The following TPRA1 variants were observed in gnomAD, a reference collection of about 807,000 sequenced individuals.
The protein encoded by TPRA1 is transmembrane protein adipocyte associated 1.
Under a neutral mutation model 40.1 loss-of-function variants are expected in TPRA1, and 28 were observed. The ratio of observed to expected loss-of-function variants is 0.70; its 90% confidence interval spans 0.52 to 0.96. TPRA1 has a LOEUF of 0.96. Among genes scored for constraint, TPRA1 ranks in the 40% least tolerant of loss-of-function variants. The probability of loss-of-function intolerance (pLI) is 0.00; values close to 1 mark genes in which losing one functional copy is unlikely to be tolerated. For synonymous variants in TPRA1, 219 were observed against 209.7 expected, an observed-to-expected ratio of 1.04 and a Z score of -0.38; for missense variants, 441 against 482.6, an observed-to-expected ratio of 0.91 and a Z score of 0.81.
At position 127,571,901 on chromosome 3, in the gene TPRA1, A is replaced by C. The variant is rs955554178; in HGVS notation, c.*1620T>G. 6.6e-6 allele frequency: 1 copy of C among 152,174 alleles called. No homozygotes were observed. Among genetic ancestry groups the C allele is most frequent in the African/African-American group, 2.4e-5 (1 of 41,454 alleles). 9.4% of individuals were successfully genotyped at this position (152,174 alleles called of 1,614,324 possible). A position where few individuals can be genotyped will look rare whatever the true frequency, so the allele number is the denominator to read the frequency against. ...TCTCTGCTCATTCACTGCAGCCAGC[A>C]AACTTCGGCTGACACTGTGCCATCT... On this transcript the variant is annotated 3_prime_UTR_variant, in exon 11 of 11. Transcript: ENST00000355552.
intron 1 of TPRA1, among the ~76,000 whole-genome samples, chr3:127,585,864 G>C (rs1294207885): frequency 1.3e-5 from 2 of 152,222 alleles, no homozygotes; most frequent in African/African-American, 2.4e-5. Flanking sequence ...CTCTGGGGTG[G>C]AGCCGGTGTG....
chr3:127,578,180 G>A (rs1196613063), intron 3 of TPRA1, among the ~76,000 whole-genome samples: 1 of 152,202 alleles, frequency 6.6e-6, no homozygotes, highest in Non-Finnish European at 1.5e-5. Context: ...TCTGTCTTTT[G>A]TGCCATGAGA....
Position 127,573,730 on chromosome 3 carries a change from C to T in TPRA1, c.913G>A (p.Asp305Asn), listed in dbSNP as rs1333206808. Residue 305 changes from aspartate (D) to asparagine (N), a missense_variant, in exon 11 of 11, where the codon GAT becomes AAT. Transcript: ENST00000355552. Reference sequence around the variant, plus strand: ...GCGTAGGGCTGGGGTAGGTGTACATCTGGCTCCTCTGTCTCGTCCACTTGG... The same window carrying T: ...GCGTAGGGCTGGGGTAGGTGTACATTTGGCTCCTCTGTCTCGTCCACTTGG... ...KCQVDETEEPDVHLPQPYAVA... is the reference protein window; with the variant it reads ...KCQVDETEEPNVHLPQPYAVA... 4 of 1,605,872 alleles carry T rather than the reference C, an allele frequency of 2.5e-6. No homozygotes were observed. The East Asian group carries it at 6.7e-5, about 27-fold the overall frequency.
chr3:127,576,010 G>T lies in TPRA1; in HGVS notation c.539C>A (p.Ala180Asp). 6.2e-7 allele frequency: 1 copy of T among 1,614,052 alleles called. No homozygotes were observed. Among genetic ancestry groups the T allele is most frequent in the Non-Finnish European group, 8.5e-7 (1 of 1,180,022 alleles). The change falls in exon 7 of 11, where the codon GCT (alanine) becomes GAT (aspartate). Residue 180 changes from alanine (A) to aspartate (D), a missense_variant. Physicochemically the swap from Ala to Asp is moderately radical, Grantham distance 126. Transcript: ENST00000355552. This position sits in a 1 kb window ranked among gnomAD's most constrained non-coding sequence, Gnocchi z 4.6. ...EILYPDAHLS[A>D]EDFNIYGHGG... ...ATGGCCATAGATATTAAAGTCCTCAGCTGAGAGATGGGCATCAGGGTACAG... is the reference window on the plus strand; with the variant it reads ...ATGGCCATAGATATTAAAGTCCTCATCTGAGAGATGGGCATCAGGGTACAG...
At chr3:127,580,205 C>G (rs976603317) in intron 1 of TPRA1, 42 bp from the exon 2 acceptor site, 6 of 1,581,770 alleles carry the variant, frequency 3.8e-6, no homozygotes, top group Non-Finnish European at 5.1e-6. Flanking sequence ...GTGGCCTGGG[C>G]CACTGTCCTC....
At position 127,571,753 on chromosome 3, in the gene TPRA1, G is replaced by A. The variant is rs2073382133; in HGVS notation, c.*1768C>T. ...TCAGTGCCACACAGGGAGATTTATC[G>A]TTCACCAAATACCCTCCTGTACTGC... is the stretch of plus-strand genomic sequence containing the variant. On this transcript the variant is annotated 3_prime_UTR_variant, in exon 11 of 11. Coordinates refer to ENST00000355552, the MANE Select transcript of TPRA1 (RefSeq NM_001136053.4). 2.0e-5 allele frequency: 3 copies of A among 152,146 alleles called. No homozygotes were observed. Among genetic ancestry groups the A allele is most frequent in the East Asian group, 1.9e-4 (1 of 5,202 alleles). 9.4% of individuals were successfully genotyped at this position (152,146 alleles called of 1,614,324 possible). A position where few individuals can be genotyped will look rare whatever the true frequency, so the allele number is the denominator to read the frequency against.
At chr3:127,598,103 G>A (rs1428315557) in exon 1 of TPRA1, 2 of 368,148 alleles carry the variant, frequency 5.4e-6, no homozygotes, top group Non-Finnish European at 1.0e-5. Flanking sequence ...ACCGCGCCCG[G>A]CCTCTGTTGT....
In TPRA1 at chr3:127,574,856, G is replaced by A. The variant is rs1452471851; in HGVS notation, c.854+329C>T. 9.8e-6 allele frequency: 4 copies of A among 410,040 alleles called. No individual in the cohort carries two copies. The East Asian group carries it at 1.6e-4, about 16-fold the overall frequency. The allele number at this position is 410,040 out of a possible 1,614,324, so 25.4% of individuals were successfully genotyped here. On this transcript the variant is annotated intron_variant, in intron 10 of 10. Coordinates refer to ENST00000355552, the MANE Select transcript of TPRA1 (RefSeq NM_001136053.4). ...GTTGAGCACGTGTTCATGTGTGTAT[G>A]CATGCATGTGGGTGTGCACGTGCAT...
At chr3:127,579,992 C>CGAGCCTGCCCAGCGTT in intron 2 of TPRA1, 30 bp downstream of exon 2, 1 of 1,612,160 alleles carries the variant, frequency 6.2e-7, no homozygotes, top group Non-Finnish European at 8.5e-7. Context: ...TGACACTCAG[C>CGAGCCTGCCCAGCGTT]GAGCCTGCCC....
intron 1 of TPRA1, among the ~76,000 whole-genome samples, chr3:127,584,653 C>A (rs2073946792): frequency 6.6e-6 from 1 of 151,922 alleles, no homozygotes; most frequent in African/African-American, 2.4e-5. Context: ...GGACCTTTCC[C>A]AGCTTCCCTG....
chr3:127,587,407 A>C (rs1204698493), intron 1 of TPRA1, among the ~76,000 whole-genome samples: 1 of 151,948 alleles, frequency 6.6e-6, no homozygotes, highest in Non-Finnish European at 1.5e-5. Flanking sequence ...AACCCAACAA[A>C]TCCCCTTTTC....
intron 1 of TPRA1, among the ~76,000 whole-genome samples, chr3:127,584,660 C>T (rs549724949): frequency 2.0e-5 from 3 of 151,888 alleles, no homozygotes; most frequent in African/African-American, 7.2e-5. Context: ...TCCCAGCTTC[C>T]CTGCAACTGG....
In TPRA1 at chr3:127,597,441, G is replaced by C. The variant is rs17496846; in HGVS notation, c.-391+566C>G. Among the ~76,000 whole-genome samples, 270 of 152,282 alleles carry C rather than the reference G, an allele frequency of 1.8e-3. 1 individual carries two copies. Among genetic ancestry groups the C allele is most frequent in the African/African-American group, 6.2e-3 (259 of 41,550 alleles). On this transcript the variant is annotated intron_variant, in intron 1 of 3. Coordinates refer to the TPRA1 transcript ENST00000462228. ...GGCCTTCCATTGCTTTCAGAATACAGAATAGTCAAACTCTCTAGAAAAACA... is the reference window on the plus strand; with the variant it reads ...GGCCTTCCATTGCTTTCAGAATACACAATAGTCAAACTCTCTAGAAAAACA...
intron 1 of TPRA1, among the ~76,000 whole-genome samples, chr3:127,596,991 C>T (rs1198808801): frequency 2.0e-5 from 3 of 152,136 alleles, no homozygotes; most frequent in Non-Finnish European, 4.4e-5. Flanking sequence ...TGGCGTGCAT[C>T]TCTAATCCCA....
chr3:127,596,232 A>C (rs2074239128), intron 1 of TPRA1, among the ~76,000 whole-genome samples: 1 of 152,174 alleles, frequency 6.6e-6, no homozygotes. Flanking sequence ...GGCATGCGCC[A>C]CTACGCCTGG....
At chr3:127,591,688 G>T (rs147036508), upstream of TPRA1, among the ~76,000 whole-genome samples, 14 of 152,128 alleles carry the variant, frequency 9.2e-5, no homozygotes, top group African/African-American at 3.1e-4. Flanking sequence ...ATTTCCTTCC[G>T]AGCATCTTAA....
rs562155819 is a variant in TPRA1, at chr3:127,575,004, G to A, written c.854+181C>T. The A allele has an allele frequency of 6.4e-4, 428 of 667,358 alleles. 8 individuals carry two copies. Among genetic ancestry groups the A allele is most frequent in the South Asian group, 4.5e-3 (233 of 52,156 alleles). 41.3% of individuals were successfully genotyped at this position (667,358 alleles called of 1,614,324 possible). ...TCCATGCACATGTGGGTGGGTGTGC[G>A]TATATCTGTGTGCATGTGCATGTGT... On this transcript the variant is annotated intron_variant, in intron 10 of 10. Transcript: ENST00000355552.
rs944522832 is a variant in TPRA1, at chr3:127,576,938, A to G, written c.346-45T>C. Reference sequence around the variant, plus strand: ...AGCGTCAGCCTGGACCAGCATCCCCAGCCCACCCCAGGCCAGGCCTCCCTG... The same window carrying G: ...AGCGTCAGCCTGGACCAGCATCCCCGGCCCACCCCAGGCCAGGCCTCCCTG... On this transcript the variant is annotated intron_variant, in intron 4 of 10. Transcript: ENST00000355552. The surrounding 1 kb of genome is among the most constrained non-coding windows in gnomAD (Gnocchi z 4.6). 4 of 1,613,334 alleles carry G rather than the reference A, an allele frequency of 2.5e-6. No individual in the cohort carries two copies. The highest frequency in any genetic ancestry group is 2.7e-5 in the African/African-American group (2 of 74,900).
In TPRA1 at chr3:127,573,529, T is replaced by C. The variant is rs1466411161; in HGVS notation, c.1114A>G (p.Asn372Asp). ...GGCCCTGGCAGCTGCCCTCAGGCAT[T>C]GATGGCCTTCCAGCGCTCGCTGTCT... ...STDSERWKAI[N>D]A The change falls in exon 11 of 11, where the codon AAT (asparagine) becomes GAT (aspartate). Residue 372 changes from asparagine (N) to aspartate (D), a missense_variant. Coordinates refer to ENST00000355552, the MANE Select transcript of TPRA1 (RefSeq NM_001136053.4). 6 of 1,611,118 alleles carry C rather than the reference T, an allele frequency of 3.7e-6. No individual in the cohort carries two copies. The South Asian group carries it at 6.6e-5, about 18-fold the overall frequency.
Sources: allele counts gnomAD v4.1 joint callset (sites outside exome capture counted in the v4.1 genomes callset), GRCh38; gene constraint gnomAD v4.1.1; non-coding constraint Gnocchi (gnomAD v3.1); transcripts MANE v1.5; gene names NCBI Gene and HGNC (gene_info 2026-07-23, HGNC 2026-07-21).